The following FREM1 variants were observed in gnomAD, a reference collection of about 807,000 sequenced individuals.
FREM1 encodes FRAS1-related extracellular matrix protein 1.
Under a neutral mutation model 210.1 loss-of-function variants are expected in FREM1, and 220 were observed. The ratio of observed to expected loss-of-function variants is 1.05; its 90% CI spans 0.94 to 1.17. The LOEUF is 1.17. FREM1 is among the 50% of genes most tolerant of loss of function. The pLI is 0.00. For synonymous variants in FREM1, 1,189 were observed against 980.2 expected, an observed-to-expected ratio of 1.21 and a Z score of -3.98; for missense variants, 3,454 against 2,675.5, an observed-to-expected ratio of 1.29 and a Z score of -6.42.
At chr9:14,785,900 T>C (rs1850356944) in intron 23 of FREM1, among the ~76,000 whole-genome samples, 1 of 152,188 alleles carries the variant, frequency 6.6e-6, no homozygotes, top group Admixed American at 6.5e-5. Flanking sequence ...ATGGTTAAGA[T>C]GGTACATTTT....
In FREM1 at chr9:14,860,780, T is replaced by TATGC. The variant is rs1554707469; in HGVS notation, c.330-1297_330-1296insGCAT. On this transcript the variant is annotated intron_variant, in intron 3 of 36. Coordinates refer to ENST00000380880, the MANE Select transcript of FREM1 (RefSeq NM_001379081.2). ...ATATATGCACATATATACACATATATACATATATACATATATACACATATA... is the reference window on the plus strand; with the variant it reads ...ATATATGCACATATATACACATATATATGCACATATATACATATATACACATATA... 2.3e-3 allele frequency among the ~76,000 whole-genome samples: 193 copies of TATGC among 85,726 alleles called. 5 individuals carry two copies. Among genetic ancestry groups the TATGC allele is most frequent in the African/African-American group, 0.01 (172 of 16,818 alleles). The allele number at this position is 85,726 out of a possible 152,430, so 56.2% of individuals were successfully genotyped here.
intron 1 of FREM1, among the ~76,000 whole-genome samples, chr9:14,880,929 A>G (rs1016444267): frequency 2.6e-5 from 4 of 152,228 alleles, no homozygotes; most frequent in Admixed American, 2.0e-4. Flanking sequence ...CAGCCCATCA[A>G]GGTATACAAA....
intron 27 of FREM1, among the ~76,000 whole-genome samples, chr9:14,766,931 T>A (rs1242374197): frequency 6.6e-6 from 1 of 152,236 alleles, no homozygotes; most frequent in African/African-American, 2.4e-5. Context: ...GTTTCCGGGA[T>A]ACTTCTTCAG....
At chr9:14,901,163 T>C (rs1026204334) in intron 1 of FREM1, among the ~76,000 whole-genome samples, 1 of 152,202 alleles carries the variant, frequency 6.6e-6, no homozygotes, top group Non-Finnish European at 1.5e-5. Flanking sequence ...AAGTGGATAT[T>C]TAGGTTTAGG....
At chr9:14,822,407 G>T (rs1280973858) in intron 13 of FREM1, among the ~76,000 whole-genome samples, 1 of 152,160 alleles carries the variant, frequency 6.6e-6, no homozygotes, top group Non-Finnish European at 1.5e-5. Flanking sequence ...GTCCAAGTAG[G>T]CACCCGGGAA....
chr9:14,860,815 A>ATG (rs1829937995), intron 3 of FREM1, among the ~76,000 whole-genome samples: 8 of 93,146 alleles, frequency 8.6e-5, no homozygotes, highest in East Asian at 5.8e-4. Flanking sequence ...ATACATATAT[A>ATG]CACATATATA....
chr9:14,809,818 C>T (rs367923606), intron 16 of FREM1, among the ~76,000 whole-genome samples: 64 of 152,102 alleles, frequency 4.2e-4, no homozygotes, highest in Non-Finnish European at 1.6e-4. Flanking sequence ...CCACACTATG[C>T]GTCAGGCACC....
chr9:14,811,367 C>T lies in FREM1; in HGVS notation c.2893+1445G>A, dbSNP rs543771791. Among the ~76,000 whole-genome samples the T allele has an allele frequency of 4.6e-5, 7 of 152,242 alleles. No homozygotes were observed. In the South Asian group the frequency reaches 8.3e-4, roughly 18 times the overall value. ...GGAAAAGAAGACAGATTCTTCTCAC[C>T]CCTAATTTACCTGTGCTGCATGAGC... On this transcript the variant is annotated intron_variant, in intron 16 of 36. Transcript: ENST00000380880.
intron 1 of FREM1, among the ~76,000 whole-genome samples, chr9:14,890,603 T>TA (rs1211609786): frequency 6.6e-6 from 1 of 152,180 alleles, no homozygotes; most frequent in Non-Finnish European, 1.5e-5. Flanking sequence ...TCAAGAGACT[T>TA]AAAATGACTA....
chr9:14,744,388 C>T (rs936597793), intron 35 of FREM1, among the ~76,000 whole-genome samples: 9 of 152,072 alleles, frequency 5.9e-5, no homozygotes, highest in Non-Finnish European at 8.8e-5. Context: ...AACGTTACCT[C>T]GTGCTATTTT....
intron 1 of FREM1, among the ~76,000 whole-genome samples, chr9:14,908,552 G>GA (rs201590721): frequency 5.4e-5 from 8 of 146,956 alleles, no homozygotes; most frequent in African/African-American, 7.5e-5. Flanking sequence ...AGGGAAGCAA[G>GA]AAAAAAAAAA....
intron 1 of FREM1, among the ~76,000 whole-genome samples, chr9:14,870,913 T>A (rs1832545671): frequency 6.6e-6 from 1 of 151,364 alleles, no homozygotes; most frequent in Admixed American, 6.6e-5. Context: ...TGTTTGGTTT[T>A]TTGTTCCTGC....
rs1376072527 is a variant in FREM1, at chr9:14,831,883, G to A, written c.1882-6891C>T. Among the ~76,000 whole-genome samples, 3 of 152,212 alleles carry A rather than the reference G, an allele frequency of 2.0e-5. No individual in the cohort carries two copies. The East Asian group carries it at 5.8e-4, about 29-fold the overall frequency. On this transcript the variant is annotated intron_variant, in intron 10 of 36. Transcript: ENST00000380880. ...GGGTCACGCCTGCAAGTCATGTGCG[G>A]CACATTTAAGCGGGTGCCGGGAATC...
chr9:14,791,590 G>A (rs1354189183), intron 22 of FREM1, among the ~76,000 whole-genome samples: 2 of 152,276 alleles, frequency 1.3e-5, no homozygotes, highest in Non-Finnish European at 2.9e-5. Context: ...TGCTGCAAGG[G>A]GAGGTGGGAC....
Position 14,819,423 on chromosome 9 carries a change from T to C in FREM1, c.2357A>G (p.Lys786Arg). Residue 786 changes from lysine (K) to arginine (R), a missense_variant, in exon 14 of 37, where the codon AAA becomes AGA. Physicochemically the swap from Lys to Arg is conservative, Grantham distance 26. Transcript: ENST00000380880. ...GATGCTTTGACCTCCCTCAGTCACT[T>C]TCAGAGGGTTGGTGAACGCCTAGAA... ...QVPEAFTNPL[K>R]VTEGGQSIIS... 2 of 1,611,554 alleles carry C rather than the reference T, an allele frequency of 1.2e-6. No homozygotes were observed. Among genetic ancestry groups the C allele is most frequent in the Non-Finnish European group, 1.7e-6 (2 of 1,177,990 alleles).
At chr9:14,857,467 G>C in intron 5 of FREM1, 86 bp downstream of exon 5, 1 of 1,135,196 alleles carries the variant, frequency 8.8e-7, no homozygotes, top group Non-Finnish European at 1.3e-6. Flanking sequence ...ACTCTCCCTG[G>C]CATGGGGGCG....
Position 14,842,596 on chromosome 9 carries a change from A to G in FREM1, c.1458T>C (p.Asp486=), listed in dbSNP as rs542175014. ...CGAAGTCTTTGGTGGAGTCGCTGTC[A>G]TCATGATGATAGCGAACAACTCCAG... ...LQAGVVRYHH[D]DSDSTKDFVV... Residue 486 remains aspartate, a synonymous_variant, in exon 9 of 37, where the codon GAT becomes GAC. Coordinates refer to ENST00000380880, the MANE Select transcript of FREM1 (RefSeq NM_001379081.2). 4 of 1,614,032 alleles carry G rather than the reference A, an allele frequency of 2.5e-6. No individual in the cohort carries two copies. The highest frequency in any genetic ancestry group is 1.1e-5 in the South Asian group (1 of 91,086).
At chr9:14,769,399 T>C (rs566393262) in intron 27 of FREM1, among the ~76,000 whole-genome samples, 1 of 152,326 alleles carries the variant, frequency 6.6e-6, no homozygotes, top group South Asian at 2.1e-4. Flanking sequence ...AATTGCTACA[T>C]GAACCTGCAA....
intron 2 of FREM1, among the ~76,000 whole-genome samples, chr9:14,868,286 T>G (rs1188261130): frequency 6.6e-6 from 1 of 152,186 alleles, no homozygotes; most frequent in South Asian, 2.1e-4. Flanking sequence ...TGTAATTCTC[T>G]TACATGATGC....
Sources: gnomAD v4.1 joint callset for allele counts (sites outside exome capture counted in the v4.1 genomes callset) on GRCh38, gnomAD v4.1.1 for gene constraint, MANE v1.5 for transcripts, NCBI Gene and HGNC (gene_info 2026-07-23, HGNC 2026-07-21) for gene names.